AVL9: variants seen among roughly 807,000 people sequenced by gnomAD.
AVL9 encodes the protein late secretory pathway protein AVL9 homolog.
A neutral mutation model predicts 79.2 loss-of-function variants in AVL9; 49 were observed. The ratio of observed to expected loss-of-function variants is 0.62; its 90% CI spans 0.49 to 0.79. The LOEUF (loss-of-function observed/expected upper bound fraction) is 0.79. Ranked by LOEUF, AVL9 falls within the 30% of genes least tolerant of loss-of-function variation. The probability of loss-of-function intolerance (pLI) is 0.00; values close to 1 mark genes in which losing one functional copy is unlikely to be tolerated. For synonymous variants in AVL9, 299 were observed against 280.6 expected (o/e 1.07, Z -0.65); for missense variants, 682 against 776.8 (o/e 0.88, Z 1.45).
chr7:32,551,228 T>C, intron 4 of AVL9, 106 bp from the exon 5 acceptor site: 1 of 731,204 alleles, frequency 1.4e-6, no homozygotes, highest in Non-Finnish European at 2.3e-6. Flanking sequence ...AACTTTTTTC[T>C]CCAAATTAAA....
At chr7:32,556,854 C>A (rs1459652186) in intron 8 of AVL9, among the ~76,000 whole-genome samples, 1 of 152,048 alleles carries the variant, frequency 6.6e-6, no homozygotes, top group East Asian at 1.9e-4. Flanking sequence ...CAACCTCTAA[C>A]TCCCAGGCTC....
At chr7:32,530,854 G>T (rs747121250) in intron 1 of AVL9, among the ~76,000 whole-genome samples, 2 of 152,120 alleles carry the variant, frequency 1.3e-5, no homozygotes, top group Non-Finnish European at 2.9e-5. Flanking sequence ...TACTCAGGAG[G>T]CTGAGCCATG....
At chr7:32,533,463 A>G (rs1415427107) in intron 1 of AVL9, 2 of 152,236 alleles carry the variant, frequency 1.3e-5, no homozygotes, top group Admixed American at 6.5e-5. Context: ...AGCTGTTTCA[A>G]ATCTATACTT....
intron 1 of AVL9, among the ~76,000 whole-genome samples, chr7:32,509,660 G>T (rs1408753648): frequency 6.6e-6 from 1 of 152,070 alleles, no homozygotes; most frequent in African/African-American, 2.4e-5. Flanking sequence ...GACCAGCTTG[G>T]CCAACATAAT....
intron 7 of AVL9, 107 bp from the exon 8 acceptor site, chr7:32,554,451 G>T: frequency 7.6e-6 from 4 of 523,646 alleles, no homozygotes; most frequent in Non-Finnish European, 1.3e-5. Flanking sequence ...ACTTTTTAAA[G>T]TGCTGTATTT....
chr7:32,519,179 A>T (rs536910990), intron 1 of AVL9, among the ~76,000 whole-genome samples: 2 of 152,338 alleles, frequency 1.3e-5, no homozygotes, highest in Admixed American at 1.3e-4. Flanking sequence ...CTGTAACCCC[A>T]GCACTTTGGG....
chr7:32,497,862 A>G (rs1434934922), intron 1 of AVL9, among the ~76,000 whole-genome samples: 2 of 152,150 alleles, frequency 1.3e-5, no homozygotes, highest in African/African-American at 2.4e-5. Context: ...AATGTTAGCC[A>G]GGATGGTCTC....
intron 12 of AVL9, 66 bp from the exon 13 acceptor site, chr7:32,575,889 T>C: frequency 8.5e-7 from 1 of 1,171,308 alleles, no homozygotes; most frequent in Non-Finnish European, 1.3e-6. Context: ...CCCTTTTTGG[T>C]TATAATCTTC....
intron 1 of AVL9, 97 bp from the exon 2 acceptor site, chr7:32,543,044 A>C: frequency 6.7e-7 from 1 of 1,496,068 alleles, no homozygotes. Flanking sequence ...GCTTATCCCG[A>C]CTTCTGTCAT....
chr7:32,517,071 A>G (rs1376335204), intron 1 of AVL9, among the ~76,000 whole-genome samples: 1 of 152,152 alleles, frequency 6.6e-6, no homozygotes, highest in East Asian at 1.9e-4. Context: ...TGTTATTGTT[A>G]ATTGTTTTTG....
chr7:32,572,546 T>G (rs1790902270), intron 11 of AVL9, among the ~76,000 whole-genome samples: 1 of 150,744 alleles, frequency 6.6e-6, no homozygotes, highest in Non-Finnish European at 1.5e-5. Flanking sequence ...CTCACGCCTG[T>G]AATCCCAGCA....
chr7:32,516,261 A>C (rs1787897141), intron 1 of AVL9, among the ~76,000 whole-genome samples: 1 of 152,202 alleles, frequency 6.6e-6, no homozygotes, highest in South Asian at 2.1e-4. Flanking sequence ...CTGACTGAGG[A>C]CAGTTTACAG....
intron 12 of AVL9, 78 bp downstream of exon 12, chr7:32,573,496 T>G (rs1221022113): frequency 8.4e-6 from 11 of 1,306,724 alleles, no homozygotes. Flanking sequence ...GATTTTGGAT[T>G]GCACAATAAA....
rs1000208841 is a variant in AVL9 at position 32,586,423 on chromosome 7, C to T, written c.*2516C>T. 5 of 150,850 alleles carry T rather than the reference C, an allele frequency of 3.3e-5. No homozygotes were observed. The highest frequency in any genetic ancestry group is 7.3e-5 in the African/African-American group (3 of 40,888). 9.3% of individuals were successfully genotyped at this position (150,850 alleles called of 1,614,324 possible). A position where few individuals can be genotyped will look rare whatever the true frequency, so the allele number is the denominator to read the frequency against. ...TTGGCAGGGGCCCCAAGGCAGCTCG[C>T]ACAATCAAAGGCAGGAAGCCTCACC... is the stretch of plus-strand genomic sequence containing the variant. On this transcript the variant is annotated 3_prime_UTR_variant, in exon 16 of 16. Transcript: ENST00000318709.
At chr7:32,560,069 C>T (rs1284992445) in intron 10 of AVL9, 1 of 151,928 alleles carries the variant, frequency 6.6e-6, no homozygotes. Context: ...TTTGATTAGC[C>T]AGATGTGGTA....
intron 13 of AVL9, among the ~76,000 whole-genome samples, chr7:32,577,461 C>A (rs1296642887): frequency 6.6e-6 from 1 of 152,082 alleles, no homozygotes; most frequent in Non-Finnish European, 1.5e-5. Flanking sequence ...AAGTGTTCTC[C>A]CTCACTGACA....
intron 13 of AVL9, among the ~76,000 whole-genome samples, chr7:32,577,949 G>C (rs1385427972): frequency 6.6e-6 from 1 of 152,136 alleles, no homozygotes; most frequent in Non-Finnish European, 1.5e-5. Flanking sequence ...AGGAGAAATG[G>C]CATGCAAATT....
At chr7:32,548,969 T>G in intron 4 of AVL9, 51 bp downstream of exon 4, 1 of 1,239,962 alleles carries the variant, frequency 8.1e-7, no homozygotes, top group Non-Finnish European at 1.1e-6. Context: ...TGGCAGATCT[T>G]TCTTTAAGGA....
At chr7:32,528,037 A>G (rs1014375054) in intron 1 of AVL9, among the ~76,000 whole-genome samples, 5 of 152,140 alleles carry the variant, frequency 3.3e-5, no homozygotes, top group Non-Finnish European at 5.9e-5. Context: ...TGATACTTGG[A>G]GGCTTCATCT....
Sources: gnomAD v4.1 joint callset for allele counts (sites outside exome capture counted in the v4.1 genomes callset) on GRCh38, gnomAD v4.1.1 for gene constraint, MANE v1.5 for transcripts, NCBI Gene and HGNC (gene_info 2026-07-23, HGNC 2026-07-21) for gene names.